Variants in DNAJC1 observed in about 807,000 individuals in gnomAD.
DNAJC1 encodes DnaJ heat shock protein family (Hsp40) member C1.
Under a neutral mutation model 76.6 loss-of-function variants are expected in DNAJC1, and 58 were observed. That is an observed-to-expected ratio of 0.76 (90% CI 0.61 to 0.94). The LOEUF is 0.94. Among genes scored for constraint, DNAJC1 ranks in the 40% least tolerant of loss-of-function variants. The probability of loss-of-function intolerance (pLI) is 0.00; values close to 1 mark genes in which losing one functional copy is unlikely to be tolerated. For synonymous variants in DNAJC1, 258 were observed against 267.9 expected (o/e 0.96, Z 0.36); for missense variants, 689 against 677.3 (o/e 1.02, Z -0.19).
intron 8 of DNAJC1, chr10:21,865,827 A>T (rs1232318440): frequency 6.6e-6 from 1 of 152,120 alleles, no homozygotes; most frequent in African/African-American, 2.4e-5. Flanking sequence ...CATGAAGTAC[A>T]AATGGAATAT....
intron 9 of DNAJC1, among the ~76,000 whole-genome samples, chr10:21,798,827 AG>A (rs1345113314): frequency 6.6e-6 from 1 of 152,204 alleles, no homozygotes; most frequent in African/African-American, 2.4e-5. Flanking sequence ...GTTGCAACTT[AG>A]TTGCAGGCAT....
At chr10:21,773,558 C>G (rs1408330651) in intron 9 of DNAJC1, among the ~76,000 whole-genome samples, 1 of 152,088 alleles carries the variant, frequency 6.6e-6, no homozygotes, top group East Asian at 1.9e-4. Context: ...TATAGTCTAT[C>G]CTGGACAATG....
At chr10:21,765,235 T>G (rs1377991999) in intron 10 of DNAJC1, among the ~76,000 whole-genome samples, 1 of 152,142 alleles carries the variant, frequency 6.6e-6, no homozygotes, top group Admixed American at 6.5e-5. Context: ...AATTTTTTTT[T>G]ACGTTTATTT....
chr10:21,844,869 A>G (rs922836962), intron 8 of DNAJC1, among the ~76,000 whole-genome samples: 2 of 152,182 alleles, frequency 1.3e-5, no homozygotes, highest in Non-Finnish European at 2.9e-5. Context: ...CTGTCTCTGC[A>G]AAAAAATTTT....
At chr10:21,786,127 G>A (rs1383559899) in intron 9 of DNAJC1, among the ~76,000 whole-genome samples, 1 of 151,934 alleles carries the variant, frequency 6.6e-6, no homozygotes, top group Non-Finnish European at 1.5e-5. Flanking sequence ...CACACCTTGG[G>A]AATTAACACA....
chr10:21,795,627 C>T (rs544637434), intron 9 of DNAJC1, among the ~76,000 whole-genome samples: 1 of 152,170 alleles, frequency 6.6e-6, no homozygotes, highest in Non-Finnish European at 1.5e-5. Flanking sequence ...GTGGCGATTT[C>T]ACAACTCTAC....
intron 8 of DNAJC1, among the ~76,000 whole-genome samples, chr10:21,827,810 C>A (rs1835286934): frequency 6.6e-6 from 1 of 152,216 alleles, no homozygotes; most frequent in African/African-American, 2.4e-5. Flanking sequence ...ACCCACTATA[C>A]ATTGATGACT....
intron 9 of DNAJC1, among the ~76,000 whole-genome samples, chr10:21,786,459 TATATAGAGAGAG>T (rs1331390775): frequency 7.4e-4 from 28 of 37,706 alleles, no homozygotes; most frequent in African/African-American, 2.4e-3. Context: ...TATATATATA[TATATAGAGAGAG>T]AGAGAGAGAG....
chr10:21,779,946 A>G (rs1834505604), intron 9 of DNAJC1, among the ~76,000 whole-genome samples: 1 of 152,232 alleles, frequency 6.6e-6, no homozygotes, highest in South Asian at 2.1e-4. Context: ...TACGTGATGC[A>G]TGCACAAGTT....
At chr10:21,999,718 G>A (rs1229957054) in intron 1 of DNAJC1, among the ~76,000 whole-genome samples, 1 of 152,150 alleles carries the variant, frequency 6.6e-6, no homozygotes, top group Non-Finnish European at 1.5e-5. Context: ...CTCCCAAAGT[G>A]CTGGGATTAC....
chr10:22,003,438 G>C lies in DNAJC1; in HGVS notation c.-4C>G, dbSNP rs1838561240. ...GCTGGGAGCAAGGAGCCGTCATCGCGCTGGGCTCGGAAAGGTCACCCGCCG... is the reference window on the plus strand; with the variant it reads ...GCTGGGAGCAAGGAGCCGTCATCGCCCTGGGCTCGGAAAGGTCACCCGCCG... On this transcript the variant is annotated 5_prime_UTR_variant, in exon 1 of 12. Coordinates refer to ENST00000376980, the MANE Select transcript of DNAJC1 (RefSeq NM_022365.4). 1.5e-6 allele frequency: 2 copies of C among 1,363,720 alleles called. No individual in the cohort carries two copies. Among genetic ancestry groups the C allele is most frequent in the East Asian group, 6.2e-5 (2 of 32,236 alleles). The allele number at this position is 1,363,720 out of a possible 1,614,324, so 84.5% of individuals were successfully genotyped here.
At chr10:21,793,969 T>C (rs1834722733) in intron 9 of DNAJC1, among the ~76,000 whole-genome samples, 1 of 150,814 alleles carries the variant, frequency 6.6e-6, no homozygotes, top group Non-Finnish European at 1.5e-5. Context: ...AATAAAAATG[T>C]AAATAAATAA....
Position 21,860,224 on chromosome 10 carries a change from G to T in DNAJC1, c.978+22058C>A, listed in dbSNP as rs567390245. On this transcript the variant is annotated intron_variant, in intron 8 of 11. Coordinates refer to ENST00000376980, the MANE Select transcript of DNAJC1 (RefSeq NM_022365.4). ...AAAATGACAGCAGATCCAAAACAAG[G>T]CAAGAATAAGAGGAAAACTTCATGT... Among the ~76,000 whole-genome samples, 12 of 151,090 alleles carry T rather than the reference G, an allele frequency of 7.9e-5. No individual in the cohort carries two copies. In the East Asian group the frequency reaches 1.8e-3, roughly 22 times the overall value.
chr10:21,941,875 A>T (rs1013664593), intron 1 of DNAJC1, among the ~76,000 whole-genome samples: 2 of 152,150 alleles, frequency 1.3e-5, no homozygotes, highest in African/African-American at 4.8e-5. Context: ...AGATTTATTA[A>T]TAGAAAAGTA....
chr10:21,878,958 A>G (rs1014081254), intron 8 of DNAJC1, among the ~76,000 whole-genome samples: 1 of 152,254 alleles, frequency 6.6e-6, no homozygotes, highest in African/African-American at 2.4e-5. Flanking sequence ...AATGAAAATT[A>G]CTGCTATATG....
At chr10:21,953,179 G>A (rs1417775219) in intron 1 of DNAJC1, among the ~76,000 whole-genome samples, 1 of 151,722 alleles carries the variant, frequency 6.6e-6, no homozygotes, top group African/African-American at 2.4e-5. Context: ...AATTTTTTTA[G>A]TTGGGCAATT....
At chr10:21,872,997 G>A (rs1256945351) in intron 8 of DNAJC1, among the ~76,000 whole-genome samples, 1 of 152,166 alleles carries the variant, frequency 6.6e-6, no homozygotes, top group Non-Finnish European at 1.5e-5. Flanking sequence ...TGACCTAACC[G>A]GTTATGTTAT....
At chr10:21,837,063 G>A (rs562813695) in intron 8 of DNAJC1, among the ~76,000 whole-genome samples, 22 of 152,338 alleles carry the variant, frequency 1.4e-4, no homozygotes, top group Admixed American at 3.9e-4. Context: ...GGCGTGCGCC[G>A]CCACGCCTGA....
chr10:21,947,500 A>G (rs925646872), intron 1 of DNAJC1, among the ~76,000 whole-genome samples: 1 of 152,226 alleles, frequency 6.6e-6, no homozygotes, highest in African/African-American at 2.4e-5. Context: ...ATGAATAGTA[A>G]GTATATTTTC....
Sources: allele counts gnomAD v4.1 joint callset (sites outside exome capture counted in the v4.1 genomes callset), GRCh38; gene constraint gnomAD v4.1.1; transcripts MANE v1.5; gene names NCBI Gene and HGNC (gene_info 2026-07-23, HGNC 2026-07-21).